Variants in ST7L observed in about 807,000 individuals in gnomAD.
The protein encoded by ST7L is suppression of tumorigenicity 7 like, also known as suppressor of tumorigenicity 7 protein-like.
In ST7L, 57 loss-of-function variants were observed where a neutral mutation model predicts 72.5. The ratio of observed to expected loss-of-function variants is 0.79; its 90% CI spans 0.64 to 0.98. The LOEUF is 0.98. Among genes scored for constraint, ST7L ranks in the 50% least tolerant of loss-of-function variants. ST7L has a pLI of 0.00. For missense variants in ST7L, 576 were observed against 672.2 expected (o/e 0.86, Z 1.58); for synonymous variants, 221 against 240.9 (o/e 0.92, Z 0.77).
At chr1:112,619,413 C>CG (rs1437159532), upstream of ST7L, 3 of 543,790 alleles carry the variant, frequency 5.5e-6, no homozygotes, top group African/African-American at 3.8e-5. Flanking sequence ...CACCGCCCCC[C>CG]CCCCGGGGTT....
At chr1:112,522,480 C>G (rs1481698323), downstream of ST7L, 1 of 152,242 alleles carries the variant, frequency 6.6e-6, no homozygotes, top group Non-Finnish European at 1.5e-5. Flanking sequence ...GATTAAGGAG[C>G]CTGCATAAAG....
chr1:112,553,233 A>AACACACACACACACACACACACAC lies in ST7L; in HGVS notation c.1397-2564_1397-2541dup, dbSNP rs71584746. 1.5e-3 allele frequency among the ~76,000 whole-genome samples: 224 copies of AACACACACACACACACACACACAC among 149,482 alleles called. 1 individual carries two copies. The highest frequency in any genetic ancestry group is 5.1e-3 in the African/African-American group (209 of 40,600). ...CCCAGTTTTATCAATCTTTTCTTTA[A>AACACACACACACACACACACACAC]ACACACACACACACACACACACACA... On this transcript the variant is annotated intron_variant, in intron 12 of 14. Transcript: ENST00000358039.
At position 112,550,608 on chromosome 1, in the gene ST7L, T is replaced by A; in HGVS notation, c.1482A>T (p.Leu494=). 6.2e-7 allele frequency: 1 copy of A among 1,611,488 alleles called. No homozygotes were observed. Among genetic ancestry groups the A allele is most frequent in the Non-Finnish European group, 8.5e-7 (1 of 1,177,924 alleles). Residue 494 remains leucine (L), a synonymous_variant, in exon 13 of 15, where the codon CTA becomes CTT. Transcript: ENST00000358039. The stretch of plus-strand genomic sequence containing the variant: ...ACTAAAATATTTACTTACTAGGTAA[T>A]AGCTCTCTATCAGCCGTCTCTGTGC... ...PSCTETADRE[L]LPTFHHVSVY... is the part of the protein sequence containing the mutation.
rs141785673 is a variant in ST7L, at chr1:112,610,809, C to T, written c.451+32G>A. 968 of 1,607,452 alleles carry T rather than the reference C, an allele frequency of 6.0e-4. 6 individuals are homozygous for T. In the African/African-American group the frequency reaches 0.01, roughly 17 times the overall value. On this transcript the variant is annotated intron_variant, in intron 3 of 14. Coordinates refer to ENST00000358039, the MANE Select transcript of ST7L (RefSeq NM_017744.5). ...AGAGCCAAACTCAATCTTAAATACA[C>T]AGCTCTGAAAACACATTAGAAAAGT...
intron 12 of ST7L, among the ~76,000 whole-genome samples, chr1:112,552,274 A>G (rs1481482401): frequency 6.6e-6 from 1 of 152,024 alleles, no homozygotes; most frequent in Admixed American, 6.6e-5. Context: ...CCCGATCAAC[A>G]TTATAATGAA....
At chr1:112,551,183 C>T (rs1275108728) in intron 12 of ST7L, among the ~76,000 whole-genome samples, 1 of 105,126 alleles carries the variant, frequency 9.5e-6, no homozygotes, top group Admixed American at 1.4e-4. Flanking sequence ...GAGTCTTGCT[C>T]TGTTGCCCAG....
At chr1:112,559,902 C>T (rs902061944) in intron 11 of ST7L, among the ~76,000 whole-genome samples, 2 of 151,616 alleles carry the variant, frequency 1.3e-5, no homozygotes, top group Admixed American at 6.6e-5. Flanking sequence ...TGCTTGAAGC[C>T]GGGCGGTGGC....
At chr1:112,604,429 G>A (rs770141161) in intron 3 of ST7L, among the ~76,000 whole-genome samples, 7 of 152,068 alleles carry the variant, frequency 4.6e-5, no homozygotes, top group Admixed American at 2.0e-4. Context: ...ACATAGGAGA[G>A]GCTCAAGGTA....
At position 112,599,069 on chromosome 1, in the gene ST7L, AAAAAATATATATATATATATATAT is replaced by A. The variant is rs1450550367; in HGVS notation, c.507-1007_507-984del. ...AGAGAGACTCAGCCTCAAAAAAAAA[AAAAAATATATATATATATATATAT>A]ATATATATATATATATATGTGGATG... is the stretch of plus-strand genomic sequence containing the variant. On this transcript the variant is annotated intron_variant, in intron 4 of 14. Transcript: ENST00000358039. Among the ~76,000 whole-genome samples, 4 of 54,616 alleles carry A rather than the reference AAAAAATATATATATATATATATAT, an allele frequency of 7.3e-5. No individual in the cohort carries two copies. In the East Asian group the frequency reaches 2.5e-3, roughly 34 times the overall value. 35.8% of individuals were successfully genotyped at this position (54,616 alleles called of 152,430 possible). A position where few individuals can be genotyped will look rare whatever the true frequency, so the allele number is the denominator to read the frequency against.
At chr1:112,571,508 C>T (rs1394255798) in intron 11 of ST7L, among the ~76,000 whole-genome samples, 1 of 152,176 alleles carries the variant, frequency 6.6e-6, no homozygotes, top group South Asian at 2.1e-4. Context: ...CTCACTGCAA[C>T]CTCCACCTCC....
At chr1:112,612,833 T>C (rs1045142011) in intron 2 of ST7L, among the ~76,000 whole-genome samples, 1 of 151,990 alleles carries the variant, frequency 6.6e-6, no homozygotes, top group Non-Finnish European at 1.5e-5. Context: ...GAAAATTGGA[T>C]AGGGCCAGGC....
At chr1:112,578,460 G>A (rs1273911769) in intron 9 of ST7L, 43 bp from the exon 10 acceptor site, 5 of 1,546,756 alleles carry the variant, frequency 3.2e-6, no homozygotes, top group Non-Finnish European at 4.5e-6. Context: ...TACAAAAAAG[G>A]TATTGAGACA....
chr1:112,538,840 T>C (rs1655626321), intron 14 of ST7L, among the ~76,000 whole-genome samples: 1 of 152,250 alleles, frequency 6.6e-6, no homozygotes, highest in African/African-American at 2.4e-5. Flanking sequence ...TAGTTTTTAC[T>C]GTGGGTAGAC....
chr1:112,597,149 T>G (rs1350801030), intron 5 of ST7L, among the ~76,000 whole-genome samples: 1 of 152,232 alleles, frequency 6.6e-6, no homozygotes, highest in Non-Finnish European at 1.5e-5. Context: ...CATAGAGGTT[T>G]AGACAAAGTA....
chr1:112,605,499 T>C (rs1668092468), intron 3 of ST7L, among the ~76,000 whole-genome samples: 2 of 151,790 alleles, frequency 1.3e-5, no homozygotes, highest in African/African-American at 4.8e-5. Flanking sequence ...CAGACCAGCC[T>C]GACCAACGTG....
chr1:112,522,145 CTCAGCCTCCCCA>C (rs1413326245), downstream of ST7L: 1 of 152,268 alleles, frequency 6.6e-6, no homozygotes, highest in Non-Finnish European at 1.5e-5. Flanking sequence ...ATCCTCCCAC[CTCAGCCTCCCCA>C]TTAGCTGGGA....
intron 13 of ST7L, among the ~76,000 whole-genome samples, chr1:112,543,177 T>C (rs1311209947): frequency 1.3e-5 from 2 of 152,228 alleles, no homozygotes; most frequent in Non-Finnish European, 2.9e-5. Flanking sequence ...CATTGGTGAT[T>C]TCCTAGGACC....
At chr1:112,570,505 A>AT (rs1425858073) in intron 11 of ST7L, among the ~76,000 whole-genome samples, 4 of 150,504 alleles carry the variant, frequency 2.7e-5, no homozygotes, top group Non-Finnish European at 4.4e-5. Flanking sequence ...GCTAAGATGC[A>AT]TACAACCATT....
chr1:112,577,222 CA>C (rs879471946), intron 10 of ST7L, 134 bp from the exon 11 acceptor site: 34,610 of 298,396 alleles, frequency 0.12, 20 homozygotes, highest in East Asian at 0.14. Flanking sequence ...AGAGGACTAA[CA>C]AAAAAAAAAA....
Sources: gnomAD v4.1 joint callset for allele counts (sites outside exome capture counted in the v4.1 genomes callset) on GRCh38, gnomAD v4.1.1 for gene constraint, MANE v1.5 for transcripts, NCBI Gene and HGNC (gene_info 2026-07-23, HGNC 2026-07-21) for gene names.